UPRT: variants seen among roughly 807,000 people sequenced by gnomAD.
The protein encoded by UPRT is RP11-311P8.3.
In UPRT, 5 loss-of-function variants were observed where a neutral mutation model predicts 22.6. That is an observed-to-expected ratio of 0.22 (90% CI 0.12 to 0.47). UPRT has a LOEUF of 0.47. Among genes scored for constraint, UPRT ranks in the 20% least tolerant of loss-of-function variants. The probability of loss-of-function intolerance (pLI) is 0.99; values close to 1 mark genes in which losing one functional copy is unlikely to be tolerated. For missense variants in UPRT, 181 were observed against 239.9 expected (o/e 0.75, Z 1.62); for synonymous variants, 77 against 87.7 (o/e 0.88, Z 0.68).
rs1336859534 is a variant in UPRT at position 75,233,609 on chromosome X, A to G, written c.-446-57415A>G. 1.1e-4 allele frequency among the ~76,000 whole-genome samples: 12 copies of G among 111,560 alleles called. No homozygotes were observed. The East Asian group carries it at 3.1e-3, about 29-fold the overall frequency. ...TCTCTCAGCAGAAACTCTACAAGCC[A>G]GAAGAGAGTGGGGGCCAATATTCAA... On this transcript the variant is annotated intron_variant, in intron 4 of 13. Transcript: ENST00000652605.
intron 4 of UPRT, among the ~76,000 whole-genome samples, chrX:75,180,692 T>G (rs976639460): frequency 2.4e-5 from 1 of 41,769 alleles, no homozygotes; most frequent in Non-Finnish European, 5.2e-5. Context: ...TTTTTTTTTT[T>G]TTGTTTTTTT....
At chrX:75,243,697 C>T (rs1433316843) in intron 4 of UPRT, among the ~76,000 whole-genome samples, 1 of 111,418 alleles carries the variant, frequency 9.0e-6, no homozygotes, top group Non-Finnish European at 1.9e-5. Flanking sequence ...ACACAAGGCA[C>T]AAAGGCAATT....
chrX:75,187,014 C>G (rs1222389529), intron 4 of UPRT, among the ~76,000 whole-genome samples: 2 of 111,431 alleles, frequency 1.8e-5, no homozygotes, highest in Admixed American at 9.5e-5. Flanking sequence ...AGCATTTAGT[C>G]CATTTACATT....
chrX:75,175,228 C>T, intron 4 of UPRT, among the ~76,000 whole-genome samples: 1 of 111,593 alleles, frequency 9.0e-6, no homozygotes. Flanking sequence ...ATTCCTTCCT[C>T]AAGTAGGGGA....
At chrX:75,301,002 T>C in intron 6 of UPRT, 37 bp downstream of exon 6, 1 of 1,046,400 alleles carries the variant, frequency 9.6e-7, no homozygotes, top group Non-Finnish European at 1.3e-6. Flanking sequence ...GGGCTCCATA[T>C]AGTCCTGAGG....
intron 4 of UPRT, among the ~76,000 whole-genome samples, chrX:75,170,382 T>C (rs747279976): frequency 1.8e-5 from 2 of 111,550 alleles, no homozygotes; most frequent in Non-Finnish European, 3.8e-5. Context: ...TTGTCTGATA[T>C]AAGGATAGCT....
intron 4 of UPRT, among the ~76,000 whole-genome samples, chrX:75,226,243 C>G (rs889119955): frequency 9.0e-6 from 1 of 111,448 alleles, no homozygotes; most frequent in African/African-American, 3.3e-5. Context: ...ACTATTATCT[C>G]TCCTGTGGAT....
chrX:75,252,752 T>C (rs2147662912), intron 4 of UPRT, among the ~76,000 whole-genome samples: 1 of 112,393 alleles, frequency 8.9e-6, no homozygotes, highest in African/African-American at 3.2e-5. Flanking sequence ...CATATGTTTA[T>C]TGTGGCACTA....
At chrX:75,300,208 A>T (rs988759850) in intron 5 of UPRT, among the ~76,000 whole-genome samples, 3 of 111,676 alleles carry the variant, frequency 2.7e-5, no homozygotes, top group African/African-American at 9.8e-5. Flanking sequence ...TGAGTACAGC[A>T]GTGATTTTCC....
chrX:75,255,503 C>G, intron 4 of UPRT, among the ~76,000 whole-genome samples: 1 of 111,269 alleles, frequency 9.0e-6, no homozygotes, highest in Admixed American at 9.6e-5. Context: ...GAATGCTACC[C>G]CACATCTCAA....
intron 4 of UPRT, among the ~76,000 whole-genome samples, chrX:75,252,823 A>T (rs926434792): frequency 5.3e-5 from 6 of 112,537 alleles, no homozygotes; most frequent in Non-Finnish European, 9.4e-5. Context: ...CTAGATTAAG[A>T]AAATGTGGCA....
intron 4 of UPRT, among the ~76,000 whole-genome samples, chrX:75,172,409 A>G (rs945273754): frequency 9.0e-6 from 1 of 111,608 alleles, no homozygotes; most frequent in East Asian, 2.8e-4. Context: ...CACACAACCC[A>G]AAAGGTCGGT....
At chrX:75,237,838 A>G (rs1423871825) in intron 4 of UPRT, among the ~76,000 whole-genome samples, 1 of 105,270 alleles carries the variant, frequency 9.5e-6, no homozygotes, top group Non-Finnish European at 2.0e-5. Flanking sequence ...TGGGAGATAT[A>G]CCTAATGCTA....
chrX:75,200,795 A>G (rs1402561559), intron 4 of UPRT, among the ~76,000 whole-genome samples: 1 of 111,157 alleles, frequency 9.0e-6, no homozygotes, highest in African/African-American at 3.3e-5. Context: ...AAACAAAAAA[A>G]TTAGCCAGAT....
At chrX:75,221,999 TTG>T (rs1459150774) in intron 4 of UPRT, among the ~76,000 whole-genome samples, 1 of 111,808 alleles carries the variant, frequency 8.9e-6, no homozygotes. Flanking sequence ...TACTTAGTTG[TTG>T]TGACCAAAGT....
At chrX:75,245,423 C>T (rs2082501741) in intron 4 of UPRT, among the ~76,000 whole-genome samples, 1 of 111,359 alleles carries the variant, frequency 9.0e-6, no homozygotes, top group South Asian at 3.8e-4. Context: ...CCATTTGACC[C>T]AGAAATCCCA....
At chrX:75,251,926 A>G (rs2082531772) in intron 4 of UPRT, among the ~76,000 whole-genome samples, 1 of 111,376 alleles carries the variant, frequency 9.0e-6, no homozygotes, top group Non-Finnish European at 1.9e-5. Context: ...CAACTATCTG[A>G]TCTTTGACAA....
chrX:75,249,706 G>T (rs770503863), intron 4 of UPRT, among the ~76,000 whole-genome samples: 1 of 111,056 alleles, frequency 9.0e-6, no homozygotes, highest in Non-Finnish European at 1.9e-5. Context: ...TGCACCAAGC[G>T]GACCTAATAG....
At chrX:75,245,764 G>A (rs1261431645) in intron 4 of UPRT, among the ~76,000 whole-genome samples, 1 of 111,371 alleles carries the variant, frequency 9.0e-6, no homozygotes, top group Non-Finnish European at 1.9e-5. Context: ...ACACGAAGAG[G>A]AAAACAATAG....
Sources: allele counts gnomAD v4.1 joint callset (sites outside exome capture counted in the v4.1 genomes callset), GRCh38; gene constraint gnomAD v4.1.1; transcripts MANE v1.5; gene names NCBI Gene and HGNC (gene_info 2026-07-23, HGNC 2026-07-21).